ADCYAP1R1: variants seen among roughly 807,000 people sequenced by gnomAD.
ADCYAP1R1 encodes pituitary adenylate cyclase-activating polypeptide type I receptor.
In ADCYAP1R1, 44 loss-of-function variants were observed where a neutral mutation model predicts 67.6. The observed-to-expected ratio is 0.65, with a 90% CI of 0.51 to 0.84. The LOEUF (loss-of-function observed/expected upper bound fraction) is 0.84, where lower values mean the gene tolerates loss of function less well. Among genes scored for constraint, ADCYAP1R1 ranks in the 40% least tolerant of loss-of-function variants. The pLI, the probability that ADCYAP1R1 is intolerant of heterozygous loss-of-function variation, is 0.00. For missense variants in ADCYAP1R1, 477 were observed against 587.9 expected (o/e 0.81, Z 1.95); for synonymous variants, 222 against 219.6 (o/e 1.01, Z -0.10).
intron 1 of ADCYAP1R1, among the ~76,000 whole-genome samples, chr7:31,054,196 G>A (rs2128610884): frequency 6.6e-6 from 1 of 152,328 alleles, no homozygotes; most frequent in South Asian, 2.1e-4. Flanking sequence ...ACAAGTGTGT[G>A]TGGGGTGACG....
chr7:31,066,604 C>T (rs1794748576), intron 3 of ADCYAP1R1, among the ~76,000 whole-genome samples: 1 of 152,190 alleles, frequency 6.6e-6, no homozygotes, highest in Non-Finnish European at 1.5e-5. Context: ...ATCCTTGCTT[C>T]TTAAACCTGG....
At chr7:31,059,194 A>T (rs1794388269) in intron 1 of ADCYAP1R1, among the ~76,000 whole-genome samples, 1 of 152,162 alleles carries the variant, frequency 6.6e-6, no homozygotes, top group Admixed American at 6.5e-5. Context: ...GCCCTTACTG[A>T]GTGCCAGGCT....
intron 1 of ADCYAP1R1, among the ~76,000 whole-genome samples, chr7:31,054,128 G>T (rs1172836587): frequency 6.6e-6 from 1 of 152,158 alleles, no homozygotes; most frequent in Non-Finnish European, 1.5e-5. Flanking sequence ...TGAACATACA[G>T]ATTGGAGGTG....
intron 3 of ADCYAP1R1, among the ~76,000 whole-genome samples, chr7:31,074,407 G>T (rs902077887): frequency 6.6e-6 from 1 of 152,168 alleles, no homozygotes; most frequent in African/African-American, 2.4e-5. Flanking sequence ...GTTGTTAGGA[G>T]AATGCATCCC....
chr7:31,101,266 G>T (rs1214942652), intron 13 of ADCYAP1R1, among the ~76,000 whole-genome samples: 1 of 152,210 alleles, frequency 6.6e-6, no homozygotes, highest in African/African-American at 2.4e-5. Flanking sequence ...GCTGGGAAAG[G>T]CCTGAAGGGT....
chr7:31,074,944 T>C (rs371990689), intron 3 of ADCYAP1R1, among the ~76,000 whole-genome samples: 4 of 152,186 alleles, frequency 2.6e-5, no homozygotes, highest in African/African-American at 9.6e-5. Context: ...GGGTGCGAAC[T>C]CCAAAATAGC....
intron 13 of ADCYAP1R1, among the ~76,000 whole-genome samples, chr7:31,095,156 C>T (rs1421613343): frequency 6.6e-6 from 1 of 152,194 alleles, no homozygotes; most frequent in East Asian, 1.9e-4. Context: ...GCACATTTAA[C>T]ACCTGCAAAC....
chr7:31,084,867 A>G lies in ADCYAP1R1; in HGVS notation c.536+33A>G, dbSNP rs146263376. On this transcript the variant is annotated intron_variant, in intron 8 of 15. Coordinates refer to ENST00000304166, the MANE Select transcript of ADCYAP1R1 (RefSeq NM_001118.5). ...CCTCAGCAACATTCAAGCAAGCACC[A>G]GAGCTGGCCAGGGCCTCAGAGGCCT... 5.4e-5 allele frequency: 86 copies of G among 1,594,220 alleles called. No individual in the cohort carries two copies. In the African/African-American group the frequency reaches 1.0e-3, roughly 19 times the overall value.
Position 31,110,123 on chromosome 7 carries a change from ACTCTCTCT to A in ADCYAP1R1, c.*3450_*3457del, listed in dbSNP as rs374552530. The A allele has an allele frequency of 1.4e-5, 2 of 138,830 alleles. No individual in the cohort carries two copies. The highest frequency in any genetic ancestry group is 5.4e-5 in the African/African-American group (2 of 36,792). 8.6% of individuals were successfully genotyped at this position (138,830 alleles called of 1,614,324 possible). ...TTTGTGGAAGGGAAAGCTCAAAGGGACTCTCTCTCTCTCTCTCTTTTTTTTTTTTTTTG... is the reference window on the plus strand; with the variant it reads ...TTTGTGGAAGGGAAAGCTCAAAGGGACTCTCTCTCTTTTTTTTTTTTTTTG... On this transcript the variant is annotated 3_prime_UTR_variant, in exon 16 of 16. Transcript: ENST00000304166.
At chr7:31,095,622 A>G (rs1249072421) in intron 13 of ADCYAP1R1, 1 of 717,136 alleles carries the variant, frequency 1.4e-6, no homozygotes, top group Non-Finnish European at 2.6e-6. Flanking sequence ...AAGCCCCTTC[A>G]GATCTGCCCA....
At chr7:31,097,888 A>G (rs1465204459) in intron 13 of ADCYAP1R1, among the ~76,000 whole-genome samples, 1 of 151,986 alleles carries the variant, frequency 6.6e-6, no homozygotes, top group Admixed American at 6.6e-5. Flanking sequence ...GCCGTAGGAG[A>G]GAATAACCAA....
At chr7:31,069,165 G>A (rs1355612958) in intron 3 of ADCYAP1R1, among the ~76,000 whole-genome samples, 3 of 152,216 alleles carry the variant, frequency 2.0e-5, no homozygotes, top group African/African-American at 7.2e-5. Flanking sequence ...GCATCCACCA[G>A]GGTACTCAAG....
At chr7:31,078,227 G>T in intron 4 of ADCYAP1R1, 129 bp downstream of exon 4, 2 of 658,040 alleles carry the variant, frequency 3.0e-6, no homozygotes, top group Non-Finnish European at 5.1e-6. Flanking sequence ...CTCACATGTG[G>T]TGTGGGGGAT....
chr7:31,054,290 CTGTT>C (rs879738183), intron 1 of ADCYAP1R1, among the ~76,000 whole-genome samples: 3 of 152,112 alleles, frequency 2.0e-5, no homozygotes, highest in Non-Finnish European at 4.4e-5. Context: ...CCCCAAAAGT[CTGTT>C]TGTCCCCATG....
chr7:31,103,525 G>A (rs1157996048), intron 14 of ADCYAP1R1, among the ~76,000 whole-genome samples, 159 bp downstream of exon 14: 2 of 152,190 alleles, frequency 1.3e-5, no homozygotes, highest in African/African-American at 2.4e-5. Flanking sequence ...TAGGGCTCCT[G>A]TAAGAAGACA....
intron 3 of ADCYAP1R1, among the ~76,000 whole-genome samples, chr7:31,068,476 C>A (rs1794841224): frequency 6.6e-6 from 1 of 152,176 alleles, no homozygotes; most frequent in African/African-American, 2.4e-5. Flanking sequence ...TGGCCCTCAG[C>A]TTTCCCCTTG....
chr7:31,090,601 A>G (rs149073870), intron 12 of ADCYAP1R1, among the ~76,000 whole-genome samples: 101 of 152,246 alleles, frequency 6.6e-4, no homozygotes, highest in African/African-American at 2.2e-3. Flanking sequence ...CCCAGTGTCC[A>G]TTGTTGCCAT....
Position 31,078,219 on chromosome 7 carries a change from C to A in ADCYAP1R1, c.265+121C>A, listed in dbSNP as rs944404940. ...GGCAGACAGTCCCTGCTCCTGAGCT[C>A]ACATGTGGTGTGGGGGATGAAACCA... On this transcript the variant is annotated intron_variant, in intron 4 of 15. Coordinates refer to ENST00000304166, the MANE Select transcript of ADCYAP1R1 (RefSeq NM_001118.5). 3 of 697,094 alleles carry A rather than the reference C, an allele frequency of 4.3e-6. No homozygotes were observed. In the Admixed American group the frequency reaches 9.0e-5, roughly 21 times the overall value. 43.2% of individuals were successfully genotyped at this position (697,094 alleles called of 1,614,324 possible).
At chr7:31,068,181 T>A (rs1247151008) in intron 3 of ADCYAP1R1, among the ~76,000 whole-genome samples, 1 of 151,888 alleles carries the variant, frequency 6.6e-6, no homozygotes, top group African/African-American at 2.4e-5. Flanking sequence ...GTTCTCTGTC[T>A]CTGTCTCTCT....
Sources: allele counts gnomAD v4.1 joint callset (sites outside exome capture counted in the v4.1 genomes callset), GRCh38; gene constraint gnomAD v4.1.1; transcripts MANE v1.5; gene names NCBI Gene and HGNC (gene_info 2026-07-23, HGNC 2026-07-21).